The following DELE1 variants were observed in gnomAD, a reference collection of about 807,000 sequenced individuals.
DELE1 encodes the protein DAP3 binding cell death enhancer 1, also known as death ligand signal enhancer.
DELE1 carries 54 observed loss-of-function variants against 59.3 expected under a neutral mutation model. The ratio of observed to expected loss-of-function variants is 0.91; its 90% CI spans 0.73 to 1.14. The LOEUF (loss-of-function observed/expected upper bound fraction) is 1.14. Among genes scored for constraint, DELE1 ranks in the 50% most tolerant of loss-of-function variants. DELE1 has a pLI of 0.00. For synonymous variants in DELE1, 264 were observed against 259.1 expected, an observed-to-expected ratio of 1.02 and a Z score of -0.18; for missense variants, 636 against 643.9, an observed-to-expected ratio of 0.99 and a Z score of 0.13.
intron 7 of DELE1, among the ~76,000 whole-genome samples, chr5:141,930,695 C>A (rs1271486930): frequency 6.6e-6 from 1 of 152,220 alleles, no homozygotes; most frequent in Non-Finnish European, 1.5e-5. Context: ...CATTCTCTGC[C>A]ACACTTAGGA....
Position 141,938,619 on chromosome 5 carries a change from C to T in DELE1, c.1408C>T (p.Pro470Ser). 6.2e-7 allele frequency: 1 copy of T among 1,614,176 alleles called. No homozygotes were observed. ...CCTGCTAGCAGGAACCTCACGCCTA[C>T]CACATGCCTCGAGCACAGGCAACCT... ...NTLLAGTSRL[P>S]HASSTGNLGL... The change falls in exon 12 of 12, where the codon CCA becomes TCA. Residue 470 changes from proline to serine, a missense_variant. Physicochemically the swap from Pro to Ser is moderately conservative, Grantham distance 74. Coordinates refer to ENST00000432126, the MANE Select transcript of DELE1 (RefSeq NM_014773.5).
At chr5:141,933,504 C>A in intron 8 of DELE1, 103 bp downstream of exon 8, 1 of 877,886 alleles carries the variant, frequency 1.1e-6, no homozygotes, top group Non-Finnish European at 1.6e-6. Context: ...CTTCTTTTCT[C>A]CACTTGGTTC....
At chr5:141,934,673 T>A in intron 10 of DELE1, 87 bp downstream of exon 10, 2 of 1,289,214 alleles carry the variant, frequency 1.6e-6, no homozygotes, top group Non-Finnish European at 2.2e-6. Flanking sequence ...CTTCTGTGCT[T>A]AGGAGATTGT....
chr5:141,926,603 C>T (rs1323848856), intron 3 of DELE1, among the ~76,000 whole-genome samples: 2 of 152,238 alleles, frequency 1.3e-5, no homozygotes, highest in South Asian at 2.1e-4. Flanking sequence ...CTGCTGCTTT[C>T]GTGCTGTGTA....
chr5:141,929,720 C>T lies in DELE1; in HGVS notation c.551C>T (p.Pro184Leu), dbSNP rs773506426. ...CACAACTCTTTGAGAGGAGCTCGTCCTCAGGACCCCTCTGAGGAAGGTATG... is the reference window on the plus strand; with the variant it reads ...CACAACTCTTTGAGAGGAGCTCGTCTTCAGGACCCCTCTGAGGAAGGTATG... ...FSHNSLRGAR[P>L]QDPSEEGPGD... is the part of the protein sequence containing the mutation. The change falls in exon 5 of 12, where the codon CCT becomes CTT. Residue 184 changes from proline to leucine, a missense_variant. Pro to Leu is a moderately conservative substitution (Grantham distance 98). Coordinates refer to ENST00000432126, the MANE Select transcript of DELE1 (RefSeq NM_014773.5). 2 of 1,614,086 alleles carry T rather than the reference C, an allele frequency of 1.2e-6. No homozygotes were observed. The highest frequency in any genetic ancestry group is 2.7e-5 in the African/African-American group (2 of 74,940).
At position 141,941,611 on chromosome 5, in the gene DELE1, C is replaced by T; in HGVS notation, c.*2852C>T. ...TCCCATCAGCAGGGCCAGCCTGGGT[C>T]AGGATGCTGGGTTAAAGCCCGGCGC... On this transcript the variant is annotated 3_prime_UTR_variant, in exon 12 of 12. Transcript: ENST00000432126. 1.2e-5 allele frequency: 12 copies of T among 985,446 alleles called. No homozygotes were observed. The highest frequency in any genetic ancestry group is 1.4e-5 in the Non-Finnish European group (12 of 829,988). The allele number at this position is 985,446 out of a possible 1,614,324, so 61.0% of individuals were successfully genotyped here.
In DELE1 at chr5:141,940,193, C is replaced by T. The variant is rs569389758; in HGVS notation, c.*1434C>T. ...AGTATTATGGGAAGAGCCAGGGAGA[C>T]GGGCAGGGGGAGCTGAAAGCTGAGG... is the stretch of plus-strand genomic sequence containing the variant. On this transcript the variant is annotated 3_prime_UTR_variant, in exon 12 of 12. Coordinates refer to ENST00000432126, the MANE Select transcript of DELE1 (RefSeq NM_014773.5). 1.6e-4 allele frequency: 162 copies of T among 985,362 alleles called. No individual in the cohort carries two copies. In the African/African-American group the frequency reaches 2.4e-3, roughly 14 times the overall value. 61.0% of individuals were successfully genotyped at this position (985,362 alleles called of 1,614,324 possible). A position where few individuals can be genotyped will look rare whatever the true frequency, so the allele number is the denominator to read the frequency against.
chr5:141,934,881 G>T (rs1045542882), intron 10 of DELE1: 5 of 413,694 alleles, frequency 1.2e-5, no homozygotes, highest in African/African-American at 2.0e-5. Flanking sequence ...TTCCCTCCTC[G>T]AGAGCCAGTT....
In DELE1 at chr5:141,928,189, G is replaced by A. The variant is rs752894920; in HGVS notation, c.303G>A (p.Gln101=). ...LAVLALQLAR[Q]IHFQASLPAG... ...TGCTGGCCCTGCAGCTGGCAAGGCAGATCCACTTCCAGGCATCCCTGCCAG... is the reference window on the plus strand; with the variant it reads ...TGCTGGCCCTGCAGCTGGCAAGGCAAATCCACTTCCAGGCATCCCTGCCAG... Residue 101 remains glutamine (Q), a synonymous_variant, in exon 4 of 12, where the codon CAG becomes CAA. Coordinates refer to ENST00000432126, the MANE Select transcript of DELE1 (RefSeq NM_014773.5). 1 of 1,614,216 alleles carries A rather than the reference G, an allele frequency of 6.2e-7. No individual in the cohort carries two copies. Among genetic ancestry groups the A allele is most frequent in the Non-Finnish European group, 8.5e-7 (1 of 1,180,032 alleles).
Position 141,939,717 on chromosome 5 carries a change from G to A in DELE1, c.*958G>A, listed in dbSNP as rs771363160. ...GAAAGTGTGTGAAGACCCAGGTCTG[G>A]CTCTGCCACTTGCCTGGCCATGTCA... is the stretch of plus-strand genomic sequence containing the variant. On this transcript the variant is annotated 3_prime_UTR_variant, in exon 12 of 12. Coordinates refer to ENST00000432126, the MANE Select transcript of DELE1 (RefSeq NM_014773.5). 1.7e-5 allele frequency: 17 copies of A among 985,356 alleles called. No individual in the cohort carries two copies. The highest frequency in any genetic ancestry group is 1.9e-5 in the Non-Finnish European group (16 of 829,496). The allele number at this position is 985,356 out of a possible 1,614,324, so 61.0% of individuals were successfully genotyped here.
At chr5:141,931,920 G>A (rs936858949) in intron 7 of DELE1, among the ~76,000 whole-genome samples, 6 of 152,164 alleles carry the variant, frequency 3.9e-5, no homozygotes, top group East Asian at 3.8e-4. Context: ...GTGGCAGAAC[G>A]CGAAAGGAGC....
chr5:141,935,126 A>G (rs1055156167), intron 10 of DELE1: 1 of 154,714 alleles, frequency 6.5e-6, no homozygotes, highest in Admixed American at 6.4e-5. Context: ...TAGAAGACGC[A>G]TCAAGTGGAG....
At chr5:141,935,758 C>T (rs777251195) in intron 10 of DELE1, among the ~76,000 whole-genome samples, 10 of 152,226 alleles carry the variant, frequency 6.6e-5, no homozygotes, top group Non-Finnish European at 1.3e-4. Context: ...TTTAATCAGA[C>T]CAGCGTGCTA....
chr5:141,929,924 G>C, intron 5 of DELE1, 65 bp from the exon 6 acceptor site: 1 of 1,551,702 alleles, frequency 6.4e-7, no homozygotes, highest in Non-Finnish European at 8.9e-7. Context: ...TAGACTGGGA[G>C]AGTCGGAGAA....
At chr5:141,932,769 A>C (rs1402865275) in intron 7 of DELE1, among the ~76,000 whole-genome samples, 1 of 152,200 alleles carries the variant, frequency 6.6e-6, no homozygotes, top group Non-Finnish European at 1.5e-5. Context: ...ACTGCTGTCC[A>C]TGGCAAACCA....
chr5:141,940,537 C>T lies in DELE1; in HGVS notation c.*1778C>T. 3 of 985,512 alleles carry T rather than the reference C, an allele frequency of 3.0e-6. No homozygotes were observed. The highest frequency in any genetic ancestry group is 4.7e-5 in the South Asian group (1 of 21,284). 61.0% of individuals were successfully genotyped at this position (985,512 alleles called of 1,614,324 possible). On this transcript the variant is annotated 3_prime_UTR_variant, in exon 12 of 12. Coordinates refer to ENST00000432126, the MANE Select transcript of DELE1 (RefSeq NM_014773.5). Reference sequence around the variant, plus strand: ...GGGAAAGTTGTCCACGTTTCCCTCTCTGCTTCCCACCCCATCTCTCTCAAC... The same window carrying T: ...GGGAAAGTTGTCCACGTTTCCCTCTTTGCTTCCCACCCCATCTCTCTCAAC...
At chr5:141,927,277 T>C (rs920282038) in intron 3 of DELE1, among the ~76,000 whole-genome samples, 1 of 152,224 alleles carries the variant, frequency 6.6e-6, no homozygotes, top group African/African-American at 2.4e-5. Flanking sequence ...CCTGGCTCAC[T>C]GCAACCTCTG....
chr5:141,925,451 C>T lies in DELE1; in HGVS notation c.188C>T (p.Ser63Phe). The change falls in exon 3 of 12, where the codon TCC becomes TTC. Residue 63 changes from serine to phenylalanine, a missense_variant. Transcript: ENST00000432126. Reference protein sequence around the residue: ...HGPGTSGGPRSHGWKDAFQWM... With the variant: ...HGPGTSGGPRFHGWKDAFQWM... ...CCAGGCACGAGCGGGGGTCCAAGGT[C>T]CCATGGATGGAAGGATGCCTTCCAA... 1 of 1,603,804 alleles carries T rather than the reference C, an allele frequency of 6.2e-7. No homozygotes were observed.
Position 141,928,156 on chromosome 5 carries a change from T to C in DELE1, c.270T>C (p.Thr90=). The change falls in exon 4 of 12, where the codon ACT becomes ACC. Residue 90 remains threonine (T), a synonymous_variant. Coordinates refer to ENST00000432126, the MANE Select transcript of DELE1 (RefSeq NM_014773.5). ...NTLWDAISWG[T]LAVLALQLAR... ...TAACGTGCTGTCTTTCCCAGGGCACTCTGGCCGTGCTGGCCCTGCAGCTGG... is the reference window on the plus strand; with the variant it reads ...TAACGTGCTGTCTTTCCCAGGGCACCCTGGCCGTGCTGGCCCTGCAGCTGG... 1 of 1,613,496 alleles carries C rather than the reference T, an allele frequency of 6.2e-7. No homozygotes were observed. The highest frequency in any genetic ancestry group is 1.3e-5 in the African/African-American group (1 of 75,054).
Sources: gnomAD v4.1 joint callset for allele counts (sites outside exome capture counted in the v4.1 genomes callset) on GRCh38, gnomAD v4.1.1 for gene constraint, MANE v1.5 for transcripts, NCBI Gene and HGNC (gene_info 2026-07-23, HGNC 2026-07-21) for gene names.